The following PDE12 variants were observed in gnomAD, a reference collection of about 807,000 sequenced individuals.
The protein encoded by PDE12 is phosphodiesterase 12, also known as 2',5'-phosphodiesterase 12.
PDE12 carries 26 observed loss-of-function variants against 45.4 expected under a neutral mutation model. The observed-to-expected ratio is 0.57, with a 90% CI of 0.42 to 0.79. PDE12 has a LOEUF of 0.79. Ranked by LOEUF, PDE12 falls within the 30% of genes least tolerant of loss-of-function variation. The probability of loss-of-function intolerance (pLI) is 0.00; values close to 1 mark genes in which losing one functional copy is unlikely to be tolerated. For missense variants in PDE12, 668 were observed against 790.0 expected (o/e 0.85, Z 1.85); for synonymous variants, 283 against 323.9 (o/e 0.87, Z 1.36).
the PDE12 span, among the ~76,000 whole-genome samples, chr3:57,579,893 G>A: frequency 6.6e-6 from 1 of 152,090 alleles, no homozygotes; most frequent in Non-Finnish European, 1.5e-5. Flanking sequence ...CATGAAGTCA[G>A]GAGTTCAAGA....
rs1179410839 is a variant in PDE12, at chr3:57,563,916, G to C, written c.*3912G>C. ...AACCACTCTAGATTTCATGTTGTAG[G>C]GGGTAGGGAGGACAATTTTTAACAG... is the stretch of plus-strand genomic sequence containing the variant. On this transcript the variant is annotated 3_prime_UTR_variant, in exon 3 of 3. Transcript: ENST00000311180. The C allele has an allele frequency of 6.6e-6, 1 of 152,116 alleles. No individual in the cohort carries two copies. The highest frequency in any genetic ancestry group is 1.9e-4 in the East Asian group (1 of 5,202). The allele number at this position is 152,116 out of a possible 1,614,324, so 9.4% of individuals were successfully genotyped here.
the PDE12 span, among the ~76,000 whole-genome samples, chr3:57,643,947 A>T: frequency 6.6e-6 from 1 of 151,798 alleles, no homozygotes; most frequent in Non-Finnish European, 1.5e-5. Flanking sequence ...TCAGGAGTTC[A>T]AGACCAGTCT....
the PDE12 span, among the ~76,000 whole-genome samples, chr3:57,641,205 T>C: frequency 8.3e-5 from 12 of 144,944 alleles, no homozygotes; most frequent in Admixed American, 3.5e-4. Context: ...TATTTAAATA[T>C]TTAAGTAATA....
the PDE12 span, among the ~76,000 whole-genome samples, chr3:57,619,743 A>T: frequency 1.3e-5 from 2 of 151,550 alleles, no homozygotes; most frequent in South Asian, 4.2e-4. Flanking sequence ...CTAGCTACTC[A>T]GGAGGCTGAG....
At chr3:57,590,028 C>T in the PDE12 span, among the ~76,000 whole-genome samples, 5 of 147,616 alleles carry the variant, frequency 3.4e-5, no homozygotes, top group South Asian at 2.1e-4. Context: ...GAGGTGGAGG[C>T]GCAGTGAGTC....
Position 57,560,039 on chromosome 3 carries a change from A to C in PDE12, c.*35A>C, listed in dbSNP as rs1265928165. 1 of 1,551,810 alleles carries C rather than the reference A, an allele frequency of 6.4e-7. No individual in the cohort carries two copies. The highest frequency in any genetic ancestry group is 1.4e-5 in the African/African-American group (1 of 72,862). On this transcript the variant is annotated 3_prime_UTR_variant, in exon 3 of 3. Transcript: ENST00000311180. Reference sequence around the variant, plus strand: ...TAATGGAATTGAAGTCTGAAAAGGAAGTAGTTATTTTAGCAGAAAATTTAA... The same window carrying C: ...TAATGGAATTGAAGTCTGAAAAGGACGTAGTTATTTTAGCAGAAAATTTAA...
the PDE12 span, among the ~76,000 whole-genome samples, chr3:57,653,446 T>C: frequency 6.6e-6 from 1 of 152,252 alleles, no homozygotes; most frequent in African/African-American, 2.4e-5. Context: ...TCTCTCGAAC[T>C]AAAAAATATT....
the PDE12 span, among the ~76,000 whole-genome samples, chr3:57,590,093 A>G: frequency 9.4e-5 from 7 of 74,638 alleles, no homozygotes; most frequent in Non-Finnish European, 1.1e-4. Context: ...CTGTCTCAAT[A>G]AATAAATAAA....
the PDE12 span, among the ~76,000 whole-genome samples, chr3:57,582,646 G>C: frequency 6.6e-6 from 1 of 152,116 alleles, no homozygotes. Flanking sequence ...ACTGCCACCT[G>C]ATGGCAATAA....
At chr3:57,617,345 A>G in the PDE12 span, among the ~76,000 whole-genome samples, 2 of 152,022 alleles carry the variant, frequency 1.3e-5, no homozygotes, top group Non-Finnish European at 2.9e-5. Context: ...TCAAGGATGC[A>G]GTGAGCTATG....
At chr3:57,615,111 C>A in the PDE12 span, among the ~76,000 whole-genome samples, 1 of 151,900 alleles carries the variant, frequency 6.6e-6, no homozygotes, top group African/African-American at 2.4e-5. Context: ...CGGGGTTTCA[C>A]CGTGTTGTCC....
the PDE12 span, among the ~76,000 whole-genome samples, chr3:57,574,284 A>G: frequency 6.6e-6 from 1 of 152,168 alleles, no homozygotes; most frequent in African/African-American, 2.4e-5. Flanking sequence ...CCACAGCCAC[A>G]GTATTTCCCT....
the PDE12 span, among the ~76,000 whole-genome samples, chr3:57,656,324 G>A: frequency 2.0e-5 from 3 of 152,120 alleles, no homozygotes; most frequent in Non-Finnish European, 4.4e-5. Context: ...GCTTTTGGAA[G>A]TCTTTCACAT....
At chr3:57,572,442 G>T in the PDE12 span, 1 of 608,398 alleles carries the variant, frequency 1.6e-6, no homozygotes, top group Non-Finnish European at 2.8e-6. Context: ...ACTTCTGGCT[G>T]GGCGTGGTGG....
the PDE12 span, among the ~76,000 whole-genome samples, chr3:57,637,850 C>A: frequency 6.6e-6 from 1 of 150,676 alleles, no homozygotes; most frequent in Non-Finnish European, 1.5e-5. Flanking sequence ...AACTCCTGTG[C>A]ACAGGCCGGG....
chr3:57,629,892 T>C, the PDE12 span, among the ~76,000 whole-genome samples: 1 of 152,130 alleles, frequency 6.6e-6, no homozygotes, highest in Non-Finnish European at 1.5e-5. Flanking sequence ...AGATGTGGAG[T>C]TAGGCTTCTT....
the PDE12 span, among the ~76,000 whole-genome samples, chr3:57,595,300 T>C: frequency 6.6e-6 from 1 of 152,358 alleles, no homozygotes; most frequent in East Asian, 1.9e-4. Flanking sequence ...CTATGTGTTC[T>C]GGAACATAAC....
At position 57,556,817 on chromosome 3, in the gene PDE12, G is replaced by A; in HGVS notation, c.438G>A (p.Ala146=). The change falls in exon 1 of 3, where the codon GCG becomes GCA. Residue 146 remains alanine (A), a synonymous_variant. Coordinates refer to ENST00000311180, the MANE Select transcript of PDE12 (RefSeq NM_177966.7). The surrounding 1 kb of genome is among the most constrained non-coding windows in gnomAD (Gnocchi z 5.0). ...ACGTGGATGCCTGGCAAGACGGCGC[G>A]GTGCTGCAGATCGGCGATGTTAAGT... ...VLNVDAWQDG[A]VLQIGDVKYK... 1 of 1,613,198 alleles carries A rather than the reference G, an allele frequency of 6.2e-7. No homozygotes were observed. Among genetic ancestry groups the A allele is most frequent in the Non-Finnish European group, 8.5e-7 (1 of 1,179,412 alleles).
At chr3:57,614,544 G>GTTTTTTTTTTTTTTTTTTTTT in the PDE12 span, among the ~76,000 whole-genome samples, 2 of 121,318 alleles carry the variant, frequency 1.6e-5, no homozygotes, top group Non-Finnish European at 3.3e-5. Flanking sequence ...TTTGTTTTTT[G>GTTTTTTTTTTTTTTTTTTTTT]TTTTTTTTTT....
Sources: gnomAD v4.1 joint callset for allele counts (sites outside exome capture counted in the v4.1 genomes callset) on GRCh38, gnomAD v4.1.1 for gene constraint, Gnocchi (gnomAD v3.1) non-coding constraint, MANE v1.5 for transcripts, NCBI Gene and HGNC (gene_info 2026-07-23, HGNC 2026-07-21) for gene names.